ARHGAP32: variants seen among roughly 807,000 people sequenced by gnomAD.
ARHGAP32 encodes the protein Rho GTPase activating protein 32.
A neutral mutation model predicts 186.5 loss-of-function variants in ARHGAP32; 51 were observed. The ratio of observed to expected loss-of-function variants is 0.27; its 90% CI spans 0.22 to 0.35. ARHGAP32 has a LOEUF of 0.35. ARHGAP32 is among the 10% of genes least tolerant of loss of function. The probability of loss-of-function intolerance (pLI) is 1.00; values close to 1 mark genes in which losing one functional copy is unlikely to be tolerated. For missense variants in ARHGAP32, 2,186 were observed against 2,623.5 expected (o/e 0.83, Z 3.64); for synonymous variants, 950 against 964.3 (o/e 0.99, Z 0.27).
chr11:128,979,056 G>A, intron 18 of ARHGAP32, 141 bp from the exon 19 acceptor site: 1 of 683,342 alleles, frequency 1.5e-6, no homozygotes, highest in Non-Finnish European at 2.4e-6. Flanking sequence ...CCACCTTCCA[G>A]ACAGCACACT....
intron 10 of ARHGAP32, among the ~76,000 whole-genome samples, chr11:129,043,388 T>TC (rs200424588): frequency 8.9e-5 from 13 of 146,208 alleles, no homozygotes; most frequent in East Asian, 5.9e-4. Flanking sequence ...TTTCTTTTTT[T>TC]TTTTTTTTTT....
At chr11:129,049,664 A>G (rs1939958178) in intron 10 of ARHGAP32, among the ~76,000 whole-genome samples, 1 of 152,144 alleles carries the variant, frequency 6.6e-6, no homozygotes, top group Non-Finnish European at 1.5e-5. Flanking sequence ...GCCTTCTTTC[A>G]TGCAGCATAT....
chr11:129,078,156 C>T (rs1416588451), intron 6 of ARHGAP32, among the ~76,000 whole-genome samples: 2 of 152,142 alleles, frequency 1.3e-5, no homozygotes, highest in African/African-American at 4.8e-5. Flanking sequence ...TCCCCAGCAC[C>T]AGCCCGGAGC....
At chr11:129,114,140 G>A (rs901903938) in intron 5 of ARHGAP32, among the ~76,000 whole-genome samples, 1 of 151,958 alleles carries the variant, frequency 6.6e-6, no homozygotes, top group African/African-American at 2.4e-5. Flanking sequence ...ATTGATCATG[G>A]TACTCCCTTC....
At position 129,274,029 on chromosome 11, in the gene ARHGAP32, A is replaced by C. The variant is rs942208691; in HGVS notation, c.-5+5117T>G. On this transcript the variant is annotated intron_variant, in intron 1 of 6. Coordinates refer to the ARHGAP32 transcript ENST00000525234. The stretch of plus-strand genomic sequence containing the variant: ...TACATAGCCGGAAGCAAAAAAAAAA[A>C]AACAACTGTGTTTTGAAAGCCAGAA... Among the ~76,000 whole-genome samples the C allele has an allele frequency of 2.0e-4, 30 of 152,268 alleles. No homozygotes were observed. In the East Asian group the frequency reaches 4.1e-3, roughly 21 times the overall value.
At chr11:129,088,185 C>G (rs748485287) in intron 6 of ARHGAP32, among the ~76,000 whole-genome samples, 2 of 152,176 alleles carry the variant, frequency 1.3e-5, no homozygotes, top group Non-Finnish European at 2.9e-5. Context: ...TCTAAAACTA[C>G]GTTAAATTCA....
intron 6 of ARHGAP32, among the ~76,000 whole-genome samples, chr11:129,076,421 C>G (rs1292660870): frequency 1.3e-5 from 2 of 152,162 alleles, no homozygotes; most frequent in Non-Finnish European, 2.9e-5. Context: ...GGGTCTGGAT[C>G]AGGACCTCTT....
chr11:129,056,125 T>C (rs1326718517), intron 10 of ARHGAP32, among the ~76,000 whole-genome samples: 1 of 152,154 alleles, frequency 6.6e-6, no homozygotes, highest in East Asian at 1.9e-4. Flanking sequence ...TTGGTAAAGA[T>C]CAGCATTTTG....
At chr11:129,171,937 G>C (rs1057498493) in intron 1 of ARHGAP32, among the ~76,000 whole-genome samples, 2 of 152,110 alleles carry the variant, frequency 1.3e-5, no homozygotes, top group African/African-American at 4.8e-5. Context: ...TAGCAATTAT[G>C]AATGTGAGTT....
At position 128,986,674 on chromosome 11, in the gene ARHGAP32, G is replaced by A. The variant is rs770150898; in HGVS notation, c.1299-6C>T. 21 of 1,613,140 alleles carry A rather than the reference G, an allele frequency of 1.3e-5. No homozygotes were observed. Among genetic ancestry groups the A allele is most frequent in the Middle Eastern group, 3.3e-4 (2 of 6,070 alleles). ...GCTCAGAGTCAAATTCATGGCTGAC[G>A]TAGACAGAAGAGGACAAGCAAATCA... On this transcript the variant is annotated splice_polypyrimidine_tract_variant and splice_region_variant and intron_variant, in intron 13 of 22. Transcript: ENST00000682385.
chr11:129,221,900 A>ATGT (rs1241873236), intron 1 of ARHGAP32, among the ~76,000 whole-genome samples: 2 of 152,040 alleles, frequency 1.3e-5, no homozygotes, highest in Non-Finnish European at 2.9e-5. Flanking sequence ...TACCCACAGT[A>ATGT]TGTTACTTGT....
chr11:129,042,476 T>C (rs969151287), intron 10 of ARHGAP32, among the ~76,000 whole-genome samples: 3 of 152,192 alleles, frequency 2.0e-5, no homozygotes, highest in South Asian at 4.1e-4. Context: ...CAACTTCCTA[T>C]TTTACGGAAC....
Position 128,972,577 on chromosome 11 carries a change from A to C in ARHGAP32, c.3929T>G (p.Leu1310Arg). 1.2e-6 allele frequency: 2 copies of C among 1,601,050 alleles called. No individual in the cohort carries two copies. Among genetic ancestry groups the C allele is most frequent in the Non-Finnish European group, 1.7e-6 (2 of 1,172,534 alleles). Residue 1310 changes from leucine to arginine, a missense_variant, in exon 22 of 23, where the codon CTT becomes CGT. Physicochemically the swap from Leu to Arg is moderately radical, Grantham distance 102. Around this residue, in one of 5 missense-constraint regions of ARHGAP32, gnomAD observed 1,502 missense variants for 1,570.0 expected, o/e 0.96. Transcript: ENST00000682385. ...ACGATTAGTTCTGTGCGTGCGCTGAAGTGTGGCAGCAGCAAAATCAGCAGT... is the reference window on the plus strand; with the variant it reads ...ACGATTAGTTCTGTGCGTGCGCTGACGTGTGGCAGCAGCAAAATCAGCAGT... ...PTTADFAAAT[L>R]QRTHRTNRPL...
chr11:129,139,065 A>G (rs887152229), intron 2 of ARHGAP32, among the ~76,000 whole-genome samples: 1 of 152,192 alleles, frequency 6.6e-6, no homozygotes, highest in Non-Finnish European at 1.5e-5. Context: ...TCAAAATTTT[A>G]TATTTTAAAA....
At chr11:129,026,650 G>A (rs1032652148) in intron 11 of ARHGAP32, among the ~76,000 whole-genome samples, 5 of 151,772 alleles carry the variant, frequency 3.3e-5, no homozygotes, top group Non-Finnish European at 7.4e-5. Flanking sequence ...AAAATTAGCC[G>A]GGCATGGTGG....
chr11:129,004,845 A>C (rs535224124), intron 11 of ARHGAP32, among the ~76,000 whole-genome samples: 1 of 152,154 alleles, frequency 6.6e-6, no homozygotes, highest in Admixed American at 6.5e-5. Context: ...CTTTTATTGA[A>C]GAGTTTAGTC....
intron 1 of ARHGAP32, among the ~76,000 whole-genome samples, chr11:129,218,833 T>A (rs1944677824): frequency 6.6e-6 from 1 of 152,110 alleles, no homozygotes; most frequent in Non-Finnish European, 1.5e-5. Context: ...CAGGTTAGAT[T>A]CTCCAGGAAG....
intron 6 of ARHGAP32, among the ~76,000 whole-genome samples, chr11:129,080,311 C>T (rs979498639): frequency 1.3e-5 from 2 of 152,130 alleles, no homozygotes; most frequent in Non-Finnish European, 2.9e-5. Context: ...TTCTTTTCAT[C>T]AGTATATGGA....
chr11:129,083,184 T>C (rs1820955512), intron 6 of ARHGAP32, among the ~76,000 whole-genome samples: 1 of 152,184 alleles, frequency 6.6e-6, no homozygotes, highest in Admixed American at 6.5e-5. Context: ...GGACATTCCT[T>C]GAAGAATTAA....
Sources: gnomAD v4.1 joint callset for allele counts (sites outside exome capture counted in the v4.1 genomes callset) on GRCh38, gnomAD v4.1.1 for gene constraint, gnomAD v4.1.1 regional missense constraint, MANE v1.5 for transcripts, NCBI Gene and HGNC (gene_info 2026-07-23, HGNC 2026-07-21) for gene names.